SCARA3: variants seen among roughly 807,000 people sequenced by gnomAD.
The protein encoded by SCARA3 is scavenger receptor class A member 3, also known as cellular stress response gene protein.
SCARA3 carries 39 observed loss-of-function variants against 47.0 expected under a neutral mutation model. The ratio of observed to expected loss-of-function variants is 0.83; its 90% CI spans 0.64 to 1.08. The LOEUF is 1.08. Ranked by LOEUF, SCARA3 falls within the 50% of genes least tolerant of loss-of-function variation. SCARA3 has a pLI of 0.00. For synonymous variants in SCARA3, 356 were observed against 334.1 expected (o/e 1.07, Z -0.71); for missense variants, 724 against 792.3 (o/e 0.91, Z 1.04).
At position 27,641,147 on chromosome 8, in the gene SCARA3, C is replaced by T. The variant is rs1019277963; in HGVS notation, c.7+6940C>T. ...GCAGTGATCACCTTTACACATACAC[C>T]TTGGCCTAATTGTGTAATTATTCTC... is the stretch of plus-strand genomic sequence containing the variant. On this transcript the variant is annotated intron_variant, in intron 1 of 5. Coordinates refer to ENST00000301904, the MANE Select transcript of SCARA3 (RefSeq NM_016240.3). Among the ~76,000 whole-genome samples, 9 of 152,204 alleles carry T rather than the reference C, an allele frequency of 5.9e-5. No homozygotes were observed. The East Asian group carries it at 1.7e-3, about 29-fold the overall frequency.
At chr8:27,705,293 G>A in the SCARA3 span, among the ~76,000 whole-genome samples, 1 of 152,254 alleles carries the variant, frequency 6.6e-6, no homozygotes, top group Admixed American at 6.5e-5. Context: ...CTTGTGACAG[G>A]CACTGGGCTG....
chr8:27,648,692 A>G (rs1488180208), intron 1 of SCARA3, among the ~76,000 whole-genome samples: 2 of 152,180 alleles, frequency 1.3e-5, no homozygotes, highest in African/African-American at 4.8e-5. Flanking sequence ...TAAAATGTAG[A>G]CATTAAATAA....
In SCARA3 at chr8:27,659,342, C is replaced by T; in HGVS notation, c.1172C>T (p.Thr391Ile). 3 of 1,614,152 alleles carry T rather than the reference C, an allele frequency of 1.9e-6. No individual in the cohort carries two copies. Among genetic ancestry groups the T allele is most frequent in the Non-Finnish European group, 2.5e-6 (3 of 1,180,026 alleles). The change falls in exon 5 of 6, where the codon ACC becomes ATC. Residue 391 changes from threonine to isoleucine, a missense_variant. Coordinates refer to ENST00000301904, the MANE Select transcript of SCARA3 (RefSeq NM_016240.3). ...VRLSCTLGFH[T>I]HAEELYYLNK... ...CTCTCCTGCACGCTGGGCTTCCACA[C>T]CCATGCCGAGGAGCTCTACTACCTG...
chr8:27,693,737 T>A, the SCARA3 span, among the ~76,000 whole-genome samples: 1 of 152,204 alleles, frequency 6.6e-6, no homozygotes, highest in East Asian at 1.9e-4. Flanking sequence ...GTCTAAAGCC[T>A]GCTACCTGGA....
chr8:27,669,902 G>A (rs896953554), intron 5 of SCARA3, among the ~76,000 whole-genome samples: 3 of 152,144 alleles, frequency 2.0e-5, no homozygotes, highest in Non-Finnish European at 4.4e-5. Context: ...GCAGTGGAGG[G>A]CTCCCAGCTC....
chr8:27,650,132 G>A (rs1444102948), intron 2 of SCARA3, among the ~76,000 whole-genome samples: 3 of 152,032 alleles, frequency 2.0e-5, no homozygotes, highest in South Asian at 2.1e-4. Context: ...AGCTGTGACT[G>A]TTGGCACGCA....
At chr8:27,708,714 CA>C in the SCARA3 span, among the ~76,000 whole-genome samples, 2 of 151,914 alleles carry the variant, frequency 1.3e-5, no homozygotes, top group African/African-American at 2.4e-5. Context: ...ATTTTACATT[CA>C]GGGGGTACAT....
At chr8:27,683,823 A>G in the SCARA3 span, among the ~76,000 whole-genome samples, 1 of 152,168 alleles carries the variant, frequency 6.6e-6, no homozygotes, top group Admixed American at 6.5e-5. Context: ...AAAGAGGAGG[A>G]GGAGAACAGG....
At chr8:27,680,228 G>A (rs1043661813), downstream of SCARA3, among the ~76,000 whole-genome samples, 2 of 151,670 alleles carry the variant, frequency 1.3e-5, no homozygotes, top group Admixed American at 1.3e-4. Flanking sequence ...CAATATTAAA[G>A]CCAGAATCAA....
chr8:27,721,140 C>A, the SCARA3 span, among the ~76,000 whole-genome samples: 1 of 149,872 alleles, frequency 6.7e-6, no homozygotes, highest in Non-Finnish European at 1.5e-5. Context: ...ATGAGTAAGG[C>A]CATTTTAAGA....
chr8:27,634,138 C>T lies in SCARA3; in HGVS notation c.-63C>T. On this transcript the variant is annotated 5_prime_UTR_variant, in exon 1 of 6. Coordinates refer to ENST00000301904, the MANE Select transcript of SCARA3 (RefSeq NM_016240.3). Reference sequence around the variant, plus strand: ...CGCCCTGGAGGATCCGCCGGCCGCCCGGCTCCACTACAGCTCCAGCCGCCT... The same window carrying T: ...CGCCCTGGAGGATCCGCCGGCCGCCTGGCTCCACTACAGCTCCAGCCGCCT... 2.8e-6 allele frequency: 4 copies of T among 1,434,716 alleles called. No individual in the cohort carries two copies. Among genetic ancestry groups the T allele is most frequent in the Non-Finnish European group, 3.6e-6 (4 of 1,096,376 alleles). 88.9% of individuals were successfully genotyped at this position (1,434,716 alleles called of 1,614,324 possible).
chr8:27,634,273 T>TG (rs1215930671), intron 1 of SCARA3, 66 bp downstream of exon 1: 48 of 1,279,976 alleles, frequency 3.8e-5, no homozygotes, highest in Non-Finnish European at 3.0e-6. Flanking sequence ...ACCCAGGGCC[T>TG]GGGGGGCGCC....
rs1563402863 is a variant in SCARA3 at position 27,646,963 on chromosome 8, ACCGC to A, written c.8-2736_8-2733del. Among the ~76,000 whole-genome samples the A allele has an allele frequency of 1.5e-4, 4 of 26,636 alleles. 1 individual carries two copies. Among genetic ancestry groups the A allele is most frequent in the Non-Finnish European group, 2.8e-4 (4 of 14,142 alleles). The allele number at this position is 26,636 out of a possible 152,430, so 17.5% of individuals were successfully genotyped here. A position where few individuals can be genotyped will look rare whatever the true frequency, so the allele number is the denominator to read the frequency against. ...TCCAAAGCACTTGCCCGCACCCCTG[ACCGC>A]CCCCGCCCCCCCCCCGCACACACAC... On this transcript the variant is annotated intron_variant, in intron 1 of 5. Transcript: ENST00000301904.
downstream of SCARA3, chr8:27,676,759 C>A: frequency 1.9e-6 from 1 of 526,594 alleles, no homozygotes; most frequent in South Asian, 2.5e-5. Context: ...AATAAATTTA[C>A]CTATATTAGG....
At chr8:27,646,835 G>A (rs1314658109) in intron 1 of SCARA3, among the ~76,000 whole-genome samples, 1 of 152,074 alleles carries the variant, frequency 6.6e-6, no homozygotes, top group Non-Finnish European at 1.5e-5. Context: ...TAAACTGTTG[G>A]CAGATTGACG....
At chr8:27,652,991 G>A (rs575839307) in intron 3 of SCARA3, among the ~76,000 whole-genome samples, 1 of 152,326 alleles carries the variant, frequency 6.6e-6, no homozygotes, top group African/African-American at 2.4e-5. Context: ...ACCTGTGTCT[G>A]CTAAATCAAT....
At chr8:27,674,046 C>T (rs1406512271), downstream of SCARA3, among the ~76,000 whole-genome samples, 3 of 152,164 alleles carry the variant, frequency 2.0e-5, no homozygotes, top group East Asian at 5.8e-4. Context: ...GGTGAGGGTC[C>T]TCAGGAAGCC....
the SCARA3 span, among the ~76,000 whole-genome samples, chr8:27,721,851 C>G: frequency 1.3e-5 from 2 of 152,264 alleles, no homozygotes; most frequent in East Asian, 3.9e-4. Context: ...GCAGGTGGAT[C>G]ACTTGGCCAA....
rs760562840 is a variant in SCARA3, at chr8:27,634,210, AAG to A, written c.7+4_7+5del. 6 of 1,374,718 alleles carry A rather than the reference AAG, an allele frequency of 4.4e-6. No homozygotes were observed. The highest frequency in any genetic ancestry group is 5.6e-6 in the Non-Finnish European group (6 of 1,065,440). The allele number at this position is 1,374,718 out of a possible 1,614,324, so 85.2% of individuals were successfully genotyped here. ...CCCAGAGGAAGAGACCATGAAAGGTAAGGGCGGCCTGTCGGGGGCAGCTCCGA... is the reference window on the plus strand; with the variant it reads ...CCCAGAGGAAGAGACCATGAAAGGTAGGCGGCCTGTCGGGGGCAGCTCCGA... On this transcript the variant is annotated splice_donor_5th_base_variant and intron_variant, in intron 1 of 5. Transcript: ENST00000301904.
Sources: allele counts gnomAD v4.1 joint callset (sites outside exome capture counted in the v4.1 genomes callset), GRCh38; gene constraint gnomAD v4.1.1; transcripts MANE v1.5; gene names NCBI Gene and HGNC (gene_info 2026-07-23, HGNC 2026-07-21).